Variants in C21orf58 observed in about 807,000 individuals in gnomAD.
The protein encoded by C21orf58 is uncharacterized protein C21orf58.
C21orf58 carries 34 observed loss-of-function variants against 35.8 expected under a neutral mutation model. The observed-to-expected ratio is 0.95, with a 90% confidence interval of 0.72 to 1.26. C21orf58 has a LOEUF of 1.26. C21orf58 is among the 50% of genes most tolerant of loss of function. C21orf58 has a pLI of 0.00. For missense variants in C21orf58, 440 were observed against 414.3 expected (o/e 1.06, Z -0.54); for synonymous variants, 191 against 175.8 (o/e 1.09, Z -0.68).
chr21:46,308,823 T>C (rs964301802), intron 6 of C21orf58, among the ~76,000 whole-genome samples: 1 of 152,126 alleles, frequency 6.6e-6, no homozygotes, highest in Non-Finnish European at 1.5e-5. Flanking sequence ...TAATGTGTTA[T>C]CATGGGAGGA....
intron 6 of C21orf58, among the ~76,000 whole-genome samples, chr21:46,303,160 G>A (rs918220774): frequency 5.3e-5 from 8 of 151,032 alleles, no homozygotes; most frequent in African/African-American, 1.9e-4. Flanking sequence ...GCGAAACTCC[G>A]TCTCAAGAAA....
Position 46,318,084 on chromosome 21 carries a change from A to T in C21orf58, c.237T>A (p.Pro79=). ...ATGAGTCCAGCATGGTGGGAGCTGC[A>T]GGAGACGACTGTAGGGGCAGGGGAG... ...LWPPLPLQSS[P]AAPTMLDSSA... Residue 79 remains proline, a synonymous_variant, in exon 2 of 8, where the codon CCT becomes CCA. Transcript: ENST00000291691. 1.2e-6 allele frequency: 2 copies of T among 1,613,384 alleles called. No homozygotes were observed. The highest frequency in any genetic ancestry group is 1.7e-6 in the Non-Finnish European group (2 of 1,180,010).
chr21:46,303,362 T>C (rs1295666550), intron 6 of C21orf58, among the ~76,000 whole-genome samples: 1 of 151,238 alleles, frequency 6.6e-6, no homozygotes, highest in Non-Finnish European at 1.5e-5. Context: ...TAATAAAATA[T>C]CTGTTCATCT....
intron 1 of C21orf58, chr21:46,322,417 C>T: frequency 1.0e-6 from 1 of 984,888 alleles, no homozygotes; most frequent in African/African-American, 1.7e-5. Flanking sequence ...CACATCCCCT[C>T]AGTCCCACAG....
At chr21:46,308,401 C>T (rs1222410180) in intron 6 of C21orf58, among the ~76,000 whole-genome samples, 9 of 151,840 alleles carry the variant, frequency 5.9e-5, no homozygotes, top group Admixed American at 5.9e-4. Flanking sequence ...GCAGAGGCCG[C>T]GGTGAGCCGG....
chr21:46,318,185 T>C lies in C21orf58; in HGVS notation c.136A>G (p.Asn46Asp), dbSNP rs1419019005. Residue 46 changes from asparagine to aspartate, a missense_variant, in exon 2 of 8, where the codon AAC becomes GAC. Coordinates refer to ENST00000291691, the MANE Select transcript of C21orf58 (RefSeq NM_058180.5). ...TCAGCAGGAGCCCAAGCACCGGTGT[T>C]GCCTGCAGGGCGGGCCTTACCTCCT... ...SPGGKARPAG[N>D]TGAWAPAEQF... 1.9e-6 allele frequency: 3 copies of C among 1,612,828 alleles called. No individual in the cohort carries two copies. Among genetic ancestry groups the C allele is most frequent in the South Asian group, 2.2e-5 (2 of 91,078 alleles).
downstream of C21orf58, chr21:46,300,613 C>T (rs939131610): frequency 8.4e-7 from 1 of 1,194,870 alleles, no homozygotes; most frequent in African/African-American, 1.6e-5. Flanking sequence ...AGTAGCTGCG[C>T]TGGGCCCTTC....
intron 6 of C21orf58, among the ~76,000 whole-genome samples, chr21:46,304,868 T>C (rs1465466354): frequency 6.6e-6 from 1 of 152,234 alleles, no homozygotes; most frequent in Non-Finnish European, 1.5e-5. Flanking sequence ...GGTCTATCCA[T>C]ACAATGGACT....
intron 6 of C21orf58, 144 bp from the exon 7 acceptor site, chr21:46,302,720 G>T (rs1395283382): frequency 1.5e-6 from 1 of 657,318 alleles, no homozygotes; most frequent in African/African-American, 1.8e-5. Flanking sequence ...GTCTGCACAC[G>T]GTGCGGGTCC....
chr21:46,306,678 C>T (rs2082432833), intron 6 of C21orf58, among the ~76,000 whole-genome samples: 1 of 152,148 alleles, frequency 6.6e-6, no homozygotes, highest in African/African-American at 2.4e-5. Context: ...GCCTCCACCT[C>T]CTGGGTTCAA....
In C21orf58 at chr21:46,317,221, G is replaced by C. The variant is rs1279456788; in HGVS notation, c.357C>G (p.Leu119=). 6.2e-7 allele frequency: 1 copy of C among 1,611,272 alleles called. No homozygotes were observed. Residue 119 remains leucine, a synonymous_variant, in exon 3 of 8, where the codon CTC becomes CTG. Transcript: ENST00000291691. ...AGGGGCTCTCACCTGGCTCGAGGTG[G>C]AGGCCCTCAGGTCCCCCTTCCACGT... The part of the protein sequence containing the change: ...RQNVEGGPEG[L]HLEPGNEDRP...
intron 4 of C21orf58, 68 bp from the exon 5 acceptor site, chr21:46,314,948 G>C: frequency 6.5e-7 from 1 of 1,550,346 alleles, no homozygotes; most frequent in Middle Eastern, 1.7e-4. Context: ...GGCACCCCCA[G>C]CATCAGGCTC....
At chr21:46,317,159 T>A in intron 3 of C21orf58, 49 bp downstream of exon 3, 2 of 1,580,032 alleles carry the variant, frequency 1.3e-6, no homozygotes, top group Non-Finnish European at 1.7e-6. Context: ...CTGGAGTGGC[T>A]ACACTTGCGT....
rs765562849 is a variant in C21orf58 at position 46,322,643 on chromosome 21, C to T, written c.96G>A (p.Leu32=). 1 of 1,578,526 alleles carries T rather than the reference C, an allele frequency of 6.3e-7. No individual in the cohort carries two copies. The highest frequency in any genetic ancestry group is 8.6e-7 in the Non-Finnish European group (1 of 1,162,228). The change falls in exon 1 of 8, where the codon CTG becomes CTA. Residue 32 remains leucine (L), a synonymous_variant. Transcript: ENST00000291691. ...ACCGCTGGACACCCCGCTCACCACA[C>T]AGAAGACTGTGGCCTGAGTCAGGAG... ...LPSPDSGHSL[L]CGWSPGGKAR...
In C21orf58 at chr21:46,301,290, T is replaced by G; in HGVS notation, c.*709A>C. The G allele has an allele frequency of 3.9e-6, 1 of 258,752 alleles. No homozygotes were observed. 16.0% of individuals were successfully genotyped at this position (258,752 alleles called of 1,614,324 possible). On this transcript the variant is annotated 3_prime_UTR_variant, in exon 8 of 8. Transcript: ENST00000291691. ...CAGAGCTGCTGAGATAACAGGCGCA[T>G]ATCACCACACCTGGCTAGTTTTTTA...
rs570732126 is a variant in C21orf58 at position 46,318,302 on chromosome 21, G to C, written c.101-82C>G. On this transcript the variant is annotated intron_variant, in intron 1 of 7. Coordinates refer to ENST00000291691, the MANE Select transcript of C21orf58 (RefSeq NM_058180.5). ...GCCCCAGAAGCCAGCGCTGGGCGCC[G>C]CGTGACAGTTGCCAGGCTGCCAGAC... The C allele has an allele frequency of 5.2e-5, 82 of 1,563,924 alleles. No individual in the cohort carries two copies. The Middle Eastern group carries it at 9.3e-4, about 18-fold the overall frequency.
intron 6 of C21orf58, among the ~76,000 whole-genome samples, chr21:46,303,950 A>C (rs1423543978): frequency 1.5e-5 from 2 of 136,610 alleles, no homozygotes; most frequent in African/African-American, 5.5e-5. Context: ...ATGGGGTTTC[A>C]CCGTGTTAGC....
At chr21:46,318,549 G>A (rs976280909) in intron 1 of C21orf58, 13 of 1,236,864 alleles carry the variant, frequency 1.1e-5, no homozygotes, top group Non-Finnish European at 1.2e-5. Flanking sequence ...TGTCAGGGGA[G>A]GGCGCCCCAC....
At chr21:46,314,055 C>T (rs2082860217) in intron 5 of C21orf58, among the ~76,000 whole-genome samples, 2 of 152,058 alleles carry the variant, frequency 1.3e-5, no homozygotes, top group African/African-American at 4.8e-5. Context: ...AGGAAGCTCT[C>T]AGAAGTGGAG....
Sources: allele counts gnomAD v4.1 joint callset (sites outside exome capture counted in the v4.1 genomes callset), GRCh38; gene constraint gnomAD v4.1.1; transcripts MANE v1.5; gene names NCBI Gene and HGNC (gene_info 2026-07-23, HGNC 2026-07-21).